The following SETD4 variants were observed in gnomAD, a reference collection of about 807,000 sequenced individuals.
SETD4 encodes the protein SET domain-containing protein 4.
A neutral mutation model predicts 58.3 loss-of-function variants in SETD4; 46 were observed. The ratio of observed to expected loss-of-function variants is 0.79; its 90% CI spans 0.62 to 1.01. The LOEUF (loss-of-function observed/expected upper bound fraction) is 1.01, where lower values mean the gene tolerates loss of function less well. Among genes scored for constraint, SETD4 ranks in the 50% least tolerant of loss-of-function variants. SETD4 has a pLI of 0.00. For missense variants in SETD4, 490 were observed against 523.3 expected, an observed-to-expected ratio of 0.94 and a Z score of 0.62; for synonymous variants, 190 against 202.6, an observed-to-expected ratio of 0.94 and a Z score of 0.53.
Position 36,041,789 on chromosome 21 carries a change from G to A in SETD4, c.983+18C>T, listed in dbSNP as rs865983519. The A allele has an allele frequency of 9.0e-6, 13 of 1,443,706 alleles. No individual in the cohort carries two copies. Among genetic ancestry groups the A allele is most frequent in the Non-Finnish European group, 1.2e-5 (13 of 1,066,136 alleles). 89.4% of individuals were successfully genotyped at this position (1,443,706 alleles called of 1,614,324 possible). A position where few individuals can be genotyped will look rare whatever the true frequency, so the allele number is the denominator to read the frequency against. On this transcript the variant is annotated intron_variant, in intron 8 of 11. Transcript: ENST00000332131. ...TTTCCTAAAGGAATAATTTTAAGAG[G>A]GAAAGAGAAACACTTACTCTATATA...
At chr21:36,037,596 C>T (rs1011983198) in intron 10 of SETD4, among the ~76,000 whole-genome samples, 1 of 115,092 alleles carries the variant, frequency 8.7e-6, no homozygotes, top group Non-Finnish European at 1.8e-5. Context: ...CAGAGCAAGA[C>T]TCTGTCTCAA....
intron 5 of SETD4, among the ~76,000 whole-genome samples, chr21:36,047,786 CA>C (rs1411164500): frequency 7.9e-6 from 1 of 125,866 alleles, no homozygotes; most frequent in Admixed American, 9.9e-5. Context: ...GTCAGGAGCT[CA>C]AGACGAGCCT....
intron 2 of SETD4, chr21:36,057,476 C>A: frequency 1.6e-6 from 1 of 606,244 alleles, no homozygotes; most frequent in Non-Finnish European, 3.0e-6. Context: ...AAGACCCCAT[C>A]TCTTAAAAAA....
At chr21:36,046,210 G>A (rs191398298) in intron 5 of SETD4, among the ~76,000 whole-genome samples, 199 bp from the exon 6 acceptor site, 358 of 152,276 alleles carry the variant, frequency 2.4e-3, no homozygotes, top group Middle Eastern at 6.8e-3. Context: ...CTAGTGCTCT[G>A]AAAGAGCCAT....
intron 7 of SETD4, chr21:36,042,494 A>G (rs555794369): frequency 2.9e-4 from 44 of 152,350 alleles, no homozygotes; most frequent in African/African-American, 9.6e-4. Context: ...TGAAAACATG[A>G]AGCCAATCTC....
chr21:36,059,642 C>G, intron 1 of SETD4: 2 of 716,646 alleles, frequency 2.8e-6, no homozygotes, highest in African/African-American at 3.9e-5. Flanking sequence ...TAGACGAGAT[C>G]ACGCCACTGC....
At position 36,058,520 on chromosome 21, in the gene SETD4, A is replaced by G. The variant is rs1380744081; in HGVS notation, c.73+296T>C. 2.2e-5 allele frequency among the ~76,000 whole-genome samples: 3 copies of G among 137,674 alleles called. No individual in the cohort carries two copies. In the East Asian group the frequency reaches 6.0e-4, roughly 27 times the overall value. The allele number at this position is 137,674 out of a possible 152,430, so 90.3% of individuals were successfully genotyped here. A position where few individuals can be genotyped will look rare whatever the true frequency, so the allele number is the denominator to read the frequency against. ...ACCTTGTCTCCAAAAAAAAAAAAAA[A>G]AGAAAGATTCTCTTTGAACACTGTG... On this transcript the variant is annotated intron_variant, in intron 2 of 11. Transcript: ENST00000332131.
chr21:36,043,735 G>GA (rs758005778), intron 7 of SETD4, 47 bp downstream of exon 7: 3 of 1,601,014 alleles, frequency 1.9e-6, no homozygotes, highest in South Asian at 2.3e-5. Context: ...TCCAAATGGG[G>GA]AAAAAAATTA....
intron 8 of SETD4, among the ~76,000 whole-genome samples, chr21:36,041,550 GCT>G (rs1448672917): frequency 1.3e-5 from 2 of 152,132 alleles, no homozygotes; most frequent in African/African-American, 4.8e-5. Context: ...ACACATCCAA[GCT>G]CTCTTTTGGT....
chr21:36,041,706 C>T, intron 8 of SETD4, 101 bp downstream of exon 8: 1 of 739,582 alleles, frequency 1.4e-6, no homozygotes, highest in Admixed American at 2.9e-5. Context: ...TCAGCTGATA[C>T]AGGGTCAGGA....
At chr21:36,046,733 A>T (rs575787225) in intron 5 of SETD4, among the ~76,000 whole-genome samples, 1 of 152,232 alleles carries the variant, frequency 6.6e-6, no homozygotes, top group Non-Finnish European at 1.5e-5. Flanking sequence ...TTACTTGCAC[A>T]ATTGCCGATA....
chr21:36,044,798 G>A (rs969559737), intron 6 of SETD4, among the ~76,000 whole-genome samples: 3 of 152,164 alleles, frequency 2.0e-5, no homozygotes, highest in Admixed American at 6.5e-5. Context: ...AGATGAAGGC[G>A]ACGGCCAGGA....
At chr21:36,054,690 C>T (rs981075706) in intron 3 of SETD4, among the ~76,000 whole-genome samples, 11 of 150,956 alleles carry the variant, frequency 7.3e-5, no homozygotes, top group African/African-American at 2.7e-4. Context: ...AGTCCTCCAT[C>T]GGTTTCCTGG....
chr21:36,036,569 T>G (rs1310054149), intron 10 of SETD4: 1 of 853,432 alleles, frequency 1.2e-6, no homozygotes. Context: ...TCCTTTTGTG[T>G]CTGGCTTATT....
chr21:36,040,501 A>G (rs1601202677), intron 9 of SETD4, 74 bp downstream of exon 9: 1 of 1,359,560 alleles, frequency 7.4e-7, no homozygotes, highest in East Asian at 2.3e-5. Context: ...GCAAGCCAAA[A>G]ACAAACAAAC....
intron 3 of SETD4, 127 bp downstream of exon 3, chr21:36,056,982 C>A (rs764013956): frequency 9.4e-6 from 7 of 744,966 alleles, no homozygotes; most frequent in Non-Finnish European, 1.6e-5. Flanking sequence ...CCTCCTCCAA[C>A]CCAAGGGGAA....
At chr21:36,039,172 C>T (rs1444089104) in intron 9 of SETD4, among the ~76,000 whole-genome samples, 1 of 152,178 alleles carries the variant, frequency 6.6e-6, no homozygotes, top group Non-Finnish European at 1.5e-5. Context: ...GCATGGTGTT[C>T]ATGAATAACC....
At position 36,043,920 on chromosome 21, in the gene SETD4, C is replaced by T. The variant is rs146928359; in HGVS notation, c.763G>A (p.Glu255Lys). ...AAFNEETHSY[E>K]IRTTSRWRKH... Reference sequence around the variant, plus strand: ...CTCCAACGTGAAGTCGTTCTAATTTCGTAAGAATGAGTTTCTTCATTAAAC... The same window carrying T: ...CTCCAACGTGAAGTCGTTCTAATTTTGTAAGAATGAGTTTCTTCATTAAAC... The change falls in exon 7 of 12, where the codon GAA becomes AAA. Residue 255 changes from glutamate to lysine, a missense_variant. Coordinates refer to ENST00000332131, the MANE Select transcript of SETD4 (RefSeq NM_017438.5). 51 of 1,614,152 alleles carry T rather than the reference C, an allele frequency of 3.2e-5. No individual in the cohort carries two copies. The African/African-American group carries it at 3.6e-4, about 11-fold the overall frequency.
chr21:36,048,647 C>A (rs2064474460), intron 4 of SETD4, among the ~76,000 whole-genome samples: 1 of 151,878 alleles, frequency 6.6e-6, no homozygotes, highest in African/African-American at 2.4e-5. Context: ...CTGACACCCA[C>A]AAGCAGTCAA....
Sources: gnomAD v4.1 joint callset for allele counts (sites outside exome capture counted in the v4.1 genomes callset) on GRCh38, gnomAD v4.1.1 for gene constraint, MANE v1.5 for transcripts, NCBI Gene and HGNC (gene_info 2026-07-23, HGNC 2026-07-21) for gene names.